Variants in SMAD3 observed in about 807,000 individuals in gnomAD.
SMAD3 encodes the protein SMAD family member 3.
A neutral mutation model predicts 51.8 loss-of-function variants in SMAD3; 12 were observed. That is an observed-to-expected ratio of 0.23 (90% CI 0.15 to 0.38). SMAD3 has a LOEUF of 0.38. Ranked by LOEUF, SMAD3 falls within the 10% of genes least tolerant of loss-of-function variation. SMAD3 has a pLI of 1.00. For missense variants in SMAD3, 294 were observed against 565.6 expected (o/e 0.52, Z 4.87); for synonymous variants, 238 against 227.7 (o/e 1.05, Z -0.41).
chr15:67,193,301 C>T lies in SMAD3; in HGVS notation c.*2765C>T, dbSNP rs1963412819. On this transcript the variant is annotated 3_prime_UTR_variant, in exon 9 of 9. Transcript: ENST00000327367. ...ACACGACCGCGTGTGTTGCCCCTGC[C>T]CTGGGCTCCCCGCCATGACATCTTC... 1 of 233,352 alleles carries T rather than the reference C, an allele frequency of 4.3e-6. No homozygotes were observed. The highest frequency in any genetic ancestry group is 1.8e-4 in the South Asian group (1 of 5,534). 14.5% of individuals were successfully genotyped at this position (233,352 alleles called of 1,614,324 possible).
In SMAD3 at chr15:67,177,193, G is replaced by A. The variant is rs183851114; in HGVS notation, c.659-4048G>A. The stretch of plus-strand genomic sequence containing the variant: ...AAACTTTGTTTTCCCTGAGGAACTA[G>A]TAAGCATTGCCCATCCACCAACCAG... On this transcript the variant is annotated intron_variant, in intron 5 of 8. Transcript: ENST00000327367. 3.2e-3 allele frequency among the ~76,000 whole-genome samples: 481 copies of A among 152,266 alleles called. 5 individuals are homozygous for A. The highest frequency in any genetic ancestry group is 0.011 in the African/African-American group (463 of 41,552).
chr15:67,179,433 C>A (rs1403503569), intron 5 of SMAD3, among the ~76,000 whole-genome samples: 1 of 152,206 alleles, frequency 6.6e-6, no homozygotes, highest in African/African-American at 2.4e-5. Flanking sequence ...ATCCACCCAC[C>A]CAACAAAGAA....
intron 1 of SMAD3, among the ~76,000 whole-genome samples, chr15:67,099,459 T>C (rs1366017265): frequency 6.6e-6 from 1 of 152,252 alleles, no homozygotes. Flanking sequence ...TTTTCTGTTT[T>C]GGTAAATTTC....
intron 1 of SMAD3, among the ~76,000 whole-genome samples, chr15:67,136,801 A>G (rs113074171): frequency 1.6e-3 from 243 of 152,246 alleles, no homozygotes; most frequent in Non-Finnish European, 2.0e-3. Context: ...CTATAGAGAT[A>G]TTTTCTCCCC....
chr15:67,078,975 ATAT>A (rs1254698490), intron 1 of SMAD3, among the ~76,000 whole-genome samples: 2 of 147,956 alleles, frequency 1.4e-5, no homozygotes, highest in South Asian at 2.1e-4. Flanking sequence ...GCAATGTCAC[ATAT>A]TATTATTTTT....
At chr15:67,136,337 T>TTTTTCTTTTTTC (rs1961661635) in intron 1 of SMAD3, among the ~76,000 whole-genome samples, 9 of 151,804 alleles carry the variant, frequency 5.9e-5, no homozygotes, top group Non-Finnish European at 8.8e-5. Flanking sequence ...TCTTTTTTTT[T>TTTTTCTTTTTTC]TTTTTTTCTT....
chr15:67,144,149 A>G (rs1011274554), intron 1 of SMAD3, among the ~76,000 whole-genome samples: 1 of 151,872 alleles, frequency 6.6e-6, no homozygotes, highest in African/African-American at 2.4e-5. Flanking sequence ...CAATTTCACC[A>G]TCTTGTTTGC....
chr15:67,126,439 T>A (rs1961390077), intron 1 of SMAD3, among the ~76,000 whole-genome samples: 1 of 152,178 alleles, frequency 6.6e-6, no homozygotes, highest in Non-Finnish European at 1.5e-5. Context: ...CTAATGGAAC[T>A]CTTGGGGTAC....
chr15:67,066,669 C>G (rs1442106248), intron 1 of SMAD3, among the ~76,000 whole-genome samples: 1 of 152,224 alleles, frequency 6.6e-6, no homozygotes, highest in African/African-American at 2.4e-5. Flanking sequence ...GCCGCCCCCA[C>G]TCCGGGGAGC....
chr15:67,071,743 C>T (rs1256068382), intron 1 of SMAD3, among the ~76,000 whole-genome samples: 10 of 152,104 alleles, frequency 6.6e-5, no homozygotes, highest in African/African-American at 1.2e-4. Flanking sequence ...ACCCAGGAGG[C>T]GGAGCTTGCA....
At chr15:67,167,285 T>G (rs1962618014) in intron 4 of SMAD3, among the ~76,000 whole-genome samples, 1 of 152,158 alleles carries the variant, frequency 6.6e-6, no homozygotes, top group Non-Finnish European at 1.5e-5. Context: ...TGGTGCATTC[T>G]GGGGACAGTA....
At position 67,160,770 on chromosome 15, in the gene SMAD3, C is replaced by CAAA. The variant is rs547354315; in HGVS notation, c.207-4085_207-4083dup. On this transcript the variant is annotated intron_variant, in intron 1 of 8. Coordinates refer to ENST00000327367, the MANE Select transcript of SMAD3 (RefSeq NM_005902.4). ...TGGGCGACAGAGCGAGACTCCATCT[C>CAAA]AAAAAAAAAAAAAAAAAAAAAAAAA... 2.6e-4 allele frequency among the ~76,000 whole-genome samples: 16 copies of CAAA among 61,038 alleles called. 2 individuals carry two copies. Among genetic ancestry groups the CAAA allele is most frequent in the African/African-American group, 6.6e-4 (9 of 13,628 alleles). 40.0% of individuals were successfully genotyped at this position (61,038 alleles called of 152,430 possible).
intron 1 of SMAD3, among the ~76,000 whole-genome samples, chr15:67,123,271 G>A (rs1030704030): frequency 1.3e-5 from 2 of 151,662 alleles, no homozygotes; most frequent in Non-Finnish European, 2.9e-5. Context: ...CGAGGCGGGT[G>A]GATCACCTGA....
At chr15:67,167,798 T>C (rs1962631574) in intron 4 of SMAD3, among the ~76,000 whole-genome samples, 1 of 152,136 alleles carries the variant, frequency 6.6e-6, no homozygotes. Context: ...ATAGAATGTG[T>C]ACTGAGTTGT....
intron 1 of SMAD3, among the ~76,000 whole-genome samples, chr15:67,148,689 C>T (rs538099363): frequency 6.6e-6 from 1 of 152,298 alleles, no homozygotes; most frequent in Non-Finnish European, 1.5e-5. Flanking sequence ...CAGTAATGTG[C>T]GTCTGTGGAT....
chr15:67,097,869 C>T (rs550439376), intron 1 of SMAD3, among the ~76,000 whole-genome samples: 1 of 152,284 alleles, frequency 6.6e-6, no homozygotes, highest in South Asian at 2.1e-4. Context: ...TCTAGGGAGC[C>T]TCTGCCTCAG....
chr15:67,148,184 T>C (rs1233638232), intron 1 of SMAD3, among the ~76,000 whole-genome samples: 1 of 152,158 alleles, frequency 6.6e-6, no homozygotes, highest in Non-Finnish European at 1.5e-5. Flanking sequence ...TTTGGAATGC[T>C]AGAAGGTACT....
At chr15:67,168,297 G>A (rs1962646882) in intron 4 of SMAD3, among the ~76,000 whole-genome samples, 1 of 152,230 alleles carries the variant, frequency 6.6e-6, no homozygotes. Context: ...CATTGTAGTT[G>A]CTGAAATCCA....
At chr15:67,107,605 G>A (rs1169838979) in intron 1 of SMAD3, among the ~76,000 whole-genome samples, 3 of 152,188 alleles carry the variant, frequency 2.0e-5, no homozygotes, top group Non-Finnish European at 4.4e-5. Flanking sequence ...GCCTTGCCAC[G>A]GTCACTTGGT....
Sources: gnomAD v4.1 joint callset for allele counts (sites outside exome capture counted in the v4.1 genomes callset) on GRCh38, gnomAD v4.1.1 for gene constraint, MANE v1.5 for transcripts, NCBI Gene and HGNC (gene_info 2026-07-23, HGNC 2026-07-21) for gene names.